Variants in ADCK1 observed in about 807,000 individuals in gnomAD.
ADCK1 encodes the protein aarF domain-containing protein kinase 1.
In ADCK1, 41 loss-of-function variants were observed where a neutral mutation model predicts 52.3. That is an observed-to-expected ratio of 0.78 (90% CI 0.61 to 1.02). The LOEUF is 1.02. Among genes scored for constraint, ADCK1 ranks in the 50% least tolerant of loss-of-function variants. ADCK1 has a pLI of 0.00. For missense variants in ADCK1, 658 were observed against 679.5 expected (o/e 0.97, Z 0.35); for synonymous variants, 250 against 274.6 (o/e 0.91, Z 0.89).
At chr14:77,914,841 A>G (rs2083880508) in intron 7 of ADCK1, among the ~76,000 whole-genome samples, 1 of 152,180 alleles carries the variant, frequency 6.6e-6, no homozygotes, top group Non-Finnish European at 1.5e-5. Flanking sequence ...ATCTTCGAGA[A>G]TCCTCTTTGC....
chr14:77,882,766 A>G (rs1254254551), intron 4 of ADCK1, among the ~76,000 whole-genome samples: 1 of 152,150 alleles, frequency 6.6e-6, no homozygotes, highest in Non-Finnish European at 1.5e-5. Context: ...GTTTGGAAAC[A>G]TTGTCCAGTA....
chr14:77,907,902 A>T lies in ADCK1; in HGVS notation c.841A>T (p.Lys281Ter), dbSNP rs1273283370. The T allele has an allele frequency of 6.2e-7, 1 of 1,613,816 alleles. No individual in the cohort carries two copies. Among genetic ancestry groups the T allele is most frequent in the Non-Finnish European group, 8.5e-7 (1 of 1,179,882 alleles). ...TGACAGAGACTACATGGAGAGGAAC[A>T]AGATCGACGTCAATGAGGTGAGGTC... ...VNDRDYMERN[K>*]IDVNEISRHL... Residue 281 changes from lysine (K) to a stop codon, truncating the protein, a stop_gained, in exon 7 of 11, where the codon AAG (lysine) becomes TAG (stop). Transcript: ENST00000238561. LOFTEE classifies it high-confidence loss of function.
intron 4 of ADCK1, among the ~76,000 whole-genome samples, chr14:77,880,206 C>T (rs1407612275): frequency 6.6e-6 from 1 of 152,232 alleles, no homozygotes; most frequent in Non-Finnish European, 1.5e-5. Flanking sequence ...AAGAAAGAAG[C>T]TTGGTCTGAC....
At chr14:77,819,472 A>G (rs1049705648) in intron 2 of ADCK1, among the ~76,000 whole-genome samples, 3 of 152,198 alleles carry the variant, frequency 2.0e-5, no homozygotes, top group Non-Finnish European at 4.4e-5. Flanking sequence ...ATGCATGTGC[A>G]AGGAGGACTT....
chr14:77,913,114 A>T (rs1262413171), intron 7 of ADCK1, among the ~76,000 whole-genome samples: 1 of 152,144 alleles, frequency 6.6e-6, no homozygotes, highest in Non-Finnish European at 1.5e-5. Context: ...TCACCAGGGG[A>T]GCTTATTTAA....
At chr14:77,842,156 AT>A (rs2082081706) in intron 3 of ADCK1, among the ~76,000 whole-genome samples, 1 of 152,104 alleles carries the variant, frequency 6.6e-6, no homozygotes, top group African/African-American at 2.4e-5. Flanking sequence ...CATTATTATT[AT>A]TATTTTTTTT....
At chr14:77,932,611 C>A (rs1229753980) in intron 10 of ADCK1, among the ~76,000 whole-genome samples, 1 of 152,150 alleles carries the variant, frequency 6.6e-6, no homozygotes, top group South Asian at 2.1e-4. Context: ...ACGTATATCA[C>A]GTACCCACTA....
intron 5 of ADCK1, among the ~76,000 whole-genome samples, chr14:77,894,607 A>G (rs2083358492): frequency 6.6e-6 from 1 of 152,108 alleles, no homozygotes; most frequent in African/African-American, 2.4e-5. Context: ...ATTAAATGAA[A>G]GTGTATGTGT....
At chr14:77,807,556 C>G (rs1275578763) in intron 1 of ADCK1, among the ~76,000 whole-genome samples, 1 of 146,676 alleles carries the variant, frequency 6.8e-6, no homozygotes, top group Non-Finnish European at 1.5e-5. Context: ...GTTGCCCAGG[C>G]TGGAGTGTGG....
intron 1 of ADCK1, among the ~76,000 whole-genome samples, chr14:77,805,471 A>C (rs2081204271): frequency 6.6e-6 from 1 of 151,874 alleles, no homozygotes; most frequent in South Asian, 2.1e-4. Flanking sequence ...CACATTGGCC[A>C]GGCTGGTTTC....
chr14:77,873,002 A>C (rs1265910489), intron 4 of ADCK1, among the ~76,000 whole-genome samples: 1 of 151,920 alleles, frequency 6.6e-6, no homozygotes, highest in Non-Finnish European at 1.5e-5. Flanking sequence ...AAAAGTTTTA[A>C]TGTTTATTTT....
rs780948276 is a variant in ADCK1 at position 77,859,096 on chromosome 14, G to A, written c.240G>A (p.Arg80=). Residue 80 remains arginine, a synonymous_variant, in exon 4 of 11, where the codon AGG becomes AGA. Coordinates refer to ENST00000238561, the MANE Select transcript of ADCK1 (RefSeq NM_020421.4). Reference sequence around the variant, plus strand: ...TGCAGGTGCACCTTCGCTCTGCCAGGCGTCTCTGTGAGCTCTGCTGTGCCA... The same window carrying A: ...TGCAGGTGCACCTTCGCTCTGCCAGACGTCTCTGTGAGCTCTGCTGTGCCA... ...LRSKVHLRSA[R]RLCELCCANR... The A allele has an allele frequency of 1.0e-5, 16 of 1,607,808 alleles. 1 individual carries two copies. The East Asian group carries it at 3.6e-4, about 36-fold the overall frequency.
Position 77,924,512 on chromosome 14 carries a change from T to A in ADCK1, c.914T>A (p.Val305Glu). The change falls in exon 8 of 11, where the codon GTG becomes GAG. Residue 305 changes from valine (V) to glutamate (E), a missense_variant. Physicochemically the swap from Val to Glu is moderately radical, Grantham distance 121. Transcript: ENST00000238561. ...YSEMIFVNGFVHCDPHPGNVL... is the reference protein window; with the variant it reads ...YSEMIFVNGFEHCDPHPGNVL... Reference sequence around the variant, plus strand: ...GAGATGATCTTCGTCAATGGCTTCGTGCACTGCGATCCCCACCCCGGCAAT... The same window carrying A: ...GAGATGATCTTCGTCAATGGCTTCGAGCACTGCGATCCCCACCCCGGCAAT... 2 of 1,614,178 alleles carry A rather than the reference T, an allele frequency of 1.2e-6. No homozygotes were observed. Among genetic ancestry groups the A allele is most frequent in the Non-Finnish European group, 1.7e-6 (2 of 1,180,040 alleles).
At chr14:77,928,258 G>A (rs566309355) in intron 9 of ADCK1, among the ~76,000 whole-genome samples, 1 of 152,150 alleles carries the variant, frequency 6.6e-6, no homozygotes, top group Admixed American at 6.5e-5. Flanking sequence ...TTTGGGGTGG[G>A]GTAGTCAACG....
rs149221192 is a variant in ADCK1, at chr14:77,859,231, C to A, written c.375C>A (p.Ser125Arg). 2 of 1,614,012 alleles carry A rather than the reference C, an allele frequency of 1.2e-6. No homozygotes were observed. Among genetic ancestry groups the A allele is most frequent in the East Asian group, 4.5e-5 (2 of 44,874 alleles). ...LKVLHSQAPQ[S>R]SMQEIRQVIR... is the part of the protein sequence containing the mutation. ...TACTGCACAGCCAGGCTCCACAGAGCAGCATGCAAGAGATCCGCCAGGTCA... is the reference window on the plus strand; with the variant it reads ...TACTGCACAGCCAGGCTCCACAGAGAAGCATGCAAGAGATCCGCCAGGTCA... The change falls in exon 4 of 11, where the codon AGC (serine) becomes AGA (arginine). Residue 125 changes from serine to arginine, a missense_variant. Transcript: ENST00000238561.
At chr14:77,823,417 T>C (rs1235863185) in intron 3 of ADCK1, among the ~76,000 whole-genome samples, 1 of 152,214 alleles carries the variant, frequency 6.6e-6, no homozygotes, top group Non-Finnish European at 1.5e-5. Context: ...AATTAATTTC[T>C]AAATTTTTAT....
chr14:77,841,674 CAAA>C (rs71128696), intron 3 of ADCK1, among the ~76,000 whole-genome samples: 4 of 74,240 alleles, frequency 5.4e-5, no homozygotes, highest in African/African-American at 6.4e-5. Context: ...ACTAAAAATA[CAAA>C]AAAAAAAAAA....
At chr14:77,898,065 C>G (rs544308953) in intron 5 of ADCK1, among the ~76,000 whole-genome samples, 3 of 152,258 alleles carry the variant, frequency 2.0e-5, no homozygotes, top group South Asian at 4.1e-4. Flanking sequence ...TGAGACCAAC[C>G]TGGGCAACAC....
In ADCK1 at chr14:77,933,419, GGT is replaced by G. The variant is rs750745514; in HGVS notation, c.*31_*32del. On this transcript the variant is annotated 3_prime_UTR_variant, in exon 11 of 11. Transcript: ENST00000238561. ...GGAATTGCTCTCCCTGCCCCATTCT[GGT>G]GTCTTTCCACTCCTCAGCCCCTCAT... 1.9e-6 allele frequency: 3 copies of G among 1,609,234 alleles called. No individual in the cohort carries two copies. In the East Asian group the frequency reaches 6.7e-5, roughly 36 times the overall value.
Sources: allele counts gnomAD v4.1 joint callset (sites outside exome capture counted in the v4.1 genomes callset), GRCh38; gene constraint gnomAD v4.1.1; transcripts MANE v1.5; gene names NCBI Gene and HGNC (gene_info 2026-07-23, HGNC 2026-07-21).